ARHGEF40: variants seen among roughly 807,000 people sequenced by gnomAD.
ARHGEF40 encodes Rho guanine nucleotide exchange factor (GEF) 40.
In ARHGEF40, 98 loss-of-function variants were observed where a neutral mutation model predicts 165.9. The ratio of observed to expected loss-of-function variants is 0.59; its 90% CI spans 0.50 to 0.70. The LOEUF (loss-of-function observed/expected upper bound fraction) is 0.70, where lower values mean the gene tolerates loss of function less well. Among genes scored for constraint, ARHGEF40 ranks in the 30% least tolerant of loss-of-function variants. The probability of loss-of-function intolerance (pLI) is 0.00; values close to 1 mark genes in which losing one functional copy is unlikely to be tolerated. For missense variants in ARHGEF40, 1,815 were observed against 1,968.0 expected (o/e 0.92, Z 1.47); for synonymous variants, 792 against 814.3 (o/e 0.97, Z 0.47).
chr14:21,068,716 G>A (rs1952511), upstream of ARHGEF40, among the ~76,000 whole-genome samples: 5,497 of 152,266 alleles, frequency 0.036, 318 homozygotes, highest in African/African-American at 0.12. Context: ...GTGTTAGAAA[G>A]AGCTCCAACT....
At position 21,073,047 on chromosome 14, in the gene ARHGEF40, G is replaced by C. The variant is rs762108089; in HGVS notation, c.6G>C (p.Glu2Asp). 21 of 1,613,604 alleles carry C rather than the reference G, an allele frequency of 1.3e-5. No homozygotes were observed. The highest frequency in any genetic ancestry group is 2.2e-5 in the South Asian group (2 of 91,070). Residue 2 changes from glutamate to aspartate, a missense_variant and splice_region_variant, in exon 2 of 24, where the codon GAG (glutamate) becomes GAC (aspartate). Coordinates refer to ENST00000298694, the MANE Select transcript of ARHGEF40 (RefSeq NM_018071.5). The surrounding 1 kb of genome is among the most constrained non-coding windows in gnomAD (Gnocchi z 4.6). MEPEPVEDCVQS... is the reference protein window; with the variant it reads MDPEPVEDCVQS... ...GTAGCCTGGTCCTATCTCTACAGGAGCCTGAGCCAGTGGAGGACTGTGTGC... is the reference window on the plus strand; with the variant it reads ...GTAGCCTGGTCCTATCTCTACAGGACCCTGAGCCAGTGGAGGACTGTGTGC...
intron 19 of ARHGEF40, 90 bp from the exon 20 acceptor site, chr14:21,086,911 A>G (rs976664046): frequency 2.3e-4 from 241 of 1,066,252 alleles, no homozygotes; most frequent in South Asian, 3.7e-4. Flanking sequence ...AGGAACGAAA[A>G]AAAAAAAAAA....
At chr14:21,061,522 G>A in the ARHGEF40 span, among the ~76,000 whole-genome samples, 18,842 of 152,040 alleles carry the variant, frequency 0.12, 1,490 homozygotes, top group Admixed American at 0.2. Context: ...GGTGAAGCTG[G>A]GACCACAGAA....
At chr14:21,076,212 C>T in intron 5 of ARHGEF40, 148 bp from the exon 6 acceptor site, 9 of 701,844 alleles carry the variant, frequency 1.3e-5, no homozygotes, top group Middle Eastern at 4.0e-4. Flanking sequence ...GAATTTGGCC[C>T]TTTGCCCATT....
At chr14:21,065,007 C>T in the ARHGEF40 span, among the ~76,000 whole-genome samples, 3 of 152,238 alleles carry the variant, frequency 2.0e-5, no homozygotes, top group East Asian at 5.8e-4. Context: ...CACATTTCTA[C>T]TAAAAATACA....
At position 21,081,632 on chromosome 14, in the gene ARHGEF40, A is replaced by G; in HGVS notation, c.2764A>G (p.Met922Val). The change falls in exon 14 of 24, where the codon ATG becomes GTG. Residue 922 changes from methionine (M) to valine (V), a missense_variant. By Grantham distance (21) the Met-to-Val change is conservative. Coordinates refer to ENST00000298694, the MANE Select transcript of ARHGEF40 (RefSeq NM_018071.5). ...PEPSAGTFQEMRALALDLGSP... is the reference protein window; with the variant it reads ...PEPSAGTFQEVRALALDLGSP... ...GCCCAGTGCCGGCACCTTCCAGGAG[A>G]TGCGGGCCCTGGCCCTGGACCTGGG... 6.2e-7 allele frequency: 1 copy of G among 1,610,098 alleles called. No homozygotes were observed. Among genetic ancestry groups the G allele is most frequent in the Non-Finnish European group, 8.5e-7 (1 of 1,178,758 alleles).
At chr14:21,069,502 G>C (rs1191073280), upstream of ARHGEF40, among the ~76,000 whole-genome samples, 2 of 152,330 alleles carry the variant, frequency 1.3e-5, no homozygotes, top group East Asian at 3.9e-4. Flanking sequence ...CCACGGAGGA[G>C]AGAACTCAGA....
Position 21,074,452 on chromosome 14 carries a change from A to C in ARHGEF40, c.722A>C (p.Glu241Ala), listed in dbSNP as rs1401779073. ...HNAPVEGPEG[E>A]YVELLEVTLP... is the part of the protein sequence containing the mutation. ...GCCCCTGTGGAAGGACCTGAGGGCG[A>C]GTATGTGGAGCTGTTAGAGGTGACG... is the stretch of plus-strand genomic sequence containing the variant. The change falls in exon 3 of 24, where the codon GAG (glutamate) becomes GCG (alanine). Residue 241 changes from glutamate (E) to alanine (A), a missense_variant. Transcript: ENST00000298694. The surrounding 1 kb of genome is among the most constrained non-coding windows in gnomAD (Gnocchi z 4.8). The C allele has an allele frequency of 6.3e-7, 1 of 1,596,500 alleles. No individual in the cohort carries two copies. Among genetic ancestry groups the C allele is most frequent in the Non-Finnish European group, 8.5e-7 (1 of 1,172,254 alleles).
Position 21,088,117 on chromosome 14 carries a change from G to A in ARHGEF40, c.4518+19G>A, listed in dbSNP as rs751507664. On this transcript the variant is annotated intron_variant, in intron 22 of 23. Transcript: ENST00000298694. ...CCGACAGGTAAGTTCCTACAACGAG[G>A]CTGGGAACAATGTGATCTCTTTGGC... 6.3e-7 allele frequency: 1 copy of A among 1,596,474 alleles called. No homozygotes were observed. The highest frequency in any genetic ancestry group is 2.3e-5 in the East Asian group (1 of 44,318).
chr14:21,081,915 A>T lies in ARHGEF40; in HGVS notation c.3047A>T (p.Tyr1016Phe). ...TCCCTGGCCCCATGTGGAGAGGACT[A>T]TGAGGAAGAGGGCCCTGAGCTGGCT... ...HCSLAPCGED[Y>F]EEEGPELAPE... is the part of the protein sequence containing the mutation. Residue 1016 changes from tyrosine (Y) to phenylalanine (F), a missense_variant, in exon 14 of 24, where the codon TAT (tyrosine) becomes TTT (phenylalanine). Physicochemically the swap from Tyr to Phe is conservative, Grantham distance 22. Coordinates refer to ENST00000298694, the MANE Select transcript of ARHGEF40 (RefSeq NM_018071.5). 6.2e-7 allele frequency: 1 copy of T among 1,613,224 alleles called. No homozygotes were observed. The highest frequency in any genetic ancestry group is 1.1e-5 in the South Asian group (1 of 90,896).
In ARHGEF40 at chr14:21,084,877, G is replaced by A; in HGVS notation, c.3914G>A (p.Gly1305Asp). The A allele has an allele frequency of 6.2e-7, 1 of 1,614,158 alleles. No homozygotes were observed. Among genetic ancestry groups the A allele is most frequent in the African/African-American group, 1.3e-5 (1 of 75,056 alleles). ...CTCCTCCTGTTCAGCAAGCTCAAGG[G>A]CCCTGAAGGGGGGTCAGAGATGTTT... The part of the protein sequence containing the change: ...EHLLLFSKLK[G>D]PEGGSEMFVY... The change falls in exon 18 of 24, where the codon GGC becomes GAC. Residue 1305 changes from glycine to aspartate, a missense_variant. Transcript: ENST00000298694.
At position 21,080,994 on chromosome 14, in the gene ARHGEF40, G is replaced by A. The variant is rs567890662; in HGVS notation, c.2618G>A (p.Arg873Gln). 28 of 1,613,860 alleles carry A rather than the reference G, an allele frequency of 1.7e-5. No individual in the cohort carries two copies. The highest frequency in any genetic ancestry group is 3.3e-5 in the South Asian group (3 of 91,068). ...QVESGLHRALRLQRFFQQAHE... is the reference protein window; with the variant it reads ...QVESGLHRALQLQRFFQQAHE... Reference sequence around the variant, plus strand: ...GAGAGTGGCCTCCATCGGGCCCTGCGGCTACAGCGCTTCTTCCAGCAGGTG... The same window carrying A: ...GAGAGTGGCCTCCATCGGGCCCTGCAGCTACAGCGCTTCTTCCAGCAGGTG... The change falls in exon 13 of 24, where the codon CGG (arginine) becomes CAG (glutamine). Residue 873 changes from arginine (R) to glutamine (Q), a missense_variant. Arg to Gln is a conservative substitution (Grantham distance 43, BLOSUM62 1). Transcript: ENST00000298694.
At chr14:21,071,719 A>C (rs1487778750) in intron 1 of ARHGEF40, among the ~76,000 whole-genome samples, 2 of 151,342 alleles carry the variant, frequency 1.3e-5, no homozygotes, top group Non-Finnish European at 2.9e-5. Context: ...CTAGCTCCGC[A>C]CTCCCTGCCT....
At chr14:21,069,590 C>A (rs1440318520), upstream of ARHGEF40, among the ~76,000 whole-genome samples, 2 of 152,236 alleles carry the variant, frequency 1.3e-5, no homozygotes, top group Non-Finnish European at 2.9e-5. Flanking sequence ...GATGTCCGCC[C>A]CCTATCCCAA....
chr14:21,083,995 A>T lies in ARHGEF40; in HGVS notation c.3734A>T (p.Glu1245Val), dbSNP rs1425121617. 1.2e-6 allele frequency: 2 copies of T among 1,613,040 alleles called. No individual in the cohort carries two copies. The highest frequency in any genetic ancestry group is 1.7e-6 in the Non-Finnish European group (2 of 1,179,828). Residue 1245 changes from glutamate to valine, a missense_variant, in exon 17 of 24, where the codon GAA becomes GTA. Transcript: ENST00000298694. ...ALGAAVQLLR[E>V]QEARGRDLLA... ...GGGGCTGCTGTACAGCTGCTCCGGG[A>T]ACAAGAGGCCCGTGGCAGAGACCTG...
rs1344579576 is a variant in ARHGEF40 at position 21,086,796 on chromosome 14, A to G, written c.4139-205A>G. On this transcript the variant is annotated intron_variant, in intron 19 of 23. Transcript: ENST00000298694. ...AACATATTGGAGAGAAGAGCCAGAT[A>G]TCTGAGGAGGAAGTCACACCATCAT... 7 of 547,382 alleles carry G rather than the reference A, an allele frequency of 1.3e-5. No homozygotes were observed. In the Admixed American group the frequency reaches 2.2e-4, roughly 17 times the overall value. 33.9% of individuals were successfully genotyped at this position (547,382 alleles called of 1,614,324 possible).
chr14:21,080,724 C>G lies in ARHGEF40; in HGVS notation c.2438C>G (p.Thr813Ser). The G allele has an allele frequency of 6.2e-7, 1 of 1,612,086 alleles. No individual in the cohort carries two copies. Among genetic ancestry groups the G allele is most frequent in the Non-Finnish European group, 8.5e-7 (1 of 1,179,028 alleles). ...QLASFAMPGDTLSALQETELR... is the reference protein window; with the variant it reads ...QLASFAMPGDSLSALQETELR... The stretch of plus-strand genomic sequence containing the variant: ...GCAAGCTTTGCTATGCCTGGGGACA[C>G]CTTGTCTGCCCTGCAGGAGACAGAG... Residue 813 changes from threonine (T) to serine (S), a missense_variant, in exon 12 of 24, where the codon ACC (threonine) becomes AGC (serine). By Grantham distance (58) the Thr-to-Ser change is moderately conservative. Coordinates refer to ENST00000298694, the MANE Select transcript of ARHGEF40 (RefSeq NM_018071.5).
chr14:21,083,037 TCTC>T (rs1888051273), intron 16 of ARHGEF40, 120 bp downstream of exon 16: 4 of 849,878 alleles, frequency 4.7e-6, no homozygotes, highest in Non-Finnish European at 7.5e-6. Flanking sequence ...CTACCAATCA[TCTC>T]CTAGAATTGC....
chr14:21,083,922 C>G lies in ARHGEF40; in HGVS notation c.3661C>G (p.Leu1221Val), dbSNP rs1888136952. ...LTRYGRLLEELLREAGPELSS... is the reference protein window; with the variant it reads ...LTRYGRLLEEVLREAGPELSS... ...TCGGTATGGGCGGCTCCTGGAGGAGCTCCTGAGGGAAGCTGGGCCTGAGCT... is the reference window on the plus strand; with the variant it reads ...TCGGTATGGGCGGCTCCTGGAGGAGGTCCTGAGGGAAGCTGGGCCTGAGCT... Residue 1221 changes from leucine to valine, a missense_variant, in exon 17 of 24, where the codon CTC becomes GTC. Leu to Val is a conservative substitution (Grantham distance 32). Coordinates refer to ENST00000298694, the MANE Select transcript of ARHGEF40 (RefSeq NM_018071.5). 6.2e-7 allele frequency: 1 copy of G among 1,614,116 alleles called. No individual in the cohort carries two copies. Among genetic ancestry groups the G allele is most frequent in the Non-Finnish European group, 8.5e-7 (1 of 1,180,036 alleles).
Sources: gnomAD v4.1 joint callset for allele counts (sites outside exome capture counted in the v4.1 genomes callset) on GRCh38, gnomAD v4.1.1 for gene constraint, Gnocchi (gnomAD v3.1) non-coding constraint, MANE v1.5 for transcripts, NCBI Gene and HGNC (gene_info 2026-07-23, HGNC 2026-07-21) for gene names.